The following PLXNC1 variants were observed in gnomAD, a reference collection of about 807,000 sequenced individuals.
The protein encoded by PLXNC1 is plexin-C1.
In PLXNC1, 75 loss-of-function variants were observed where a neutral mutation model predicts 178.2. The observed-to-expected ratio is 0.42, with a 90% CI of 0.35 to 0.51. The LOEUF (loss-of-function observed/expected upper bound fraction) is 0.51, where lower values mean the gene tolerates loss of function less well. Among genes scored for constraint, PLXNC1 ranks in the 20% least tolerant of loss-of-function variants. PLXNC1 has a pLI of 0.02. For synonymous variants in PLXNC1, 790 were observed against 779.9 expected (o/e 1.01, Z -0.22); for missense variants, 1,503 against 1,984.4 (o/e 0.76, Z 4.61).
intron 24 of PLXNC1, among the ~76,000 whole-genome samples, chr12:94,295,352 T>C (rs970535931): frequency 5.3e-5 from 8 of 152,330 alleles, no homozygotes; most frequent in African/African-American, 1.9e-4. Context: ...CATCACTATA[T>C]GGGGCTGTGG....
intron 1 of PLXNC1, among the ~76,000 whole-genome samples, chr12:94,159,134 A>G (rs942284427): frequency 2.6e-5 from 4 of 152,222 alleles, no homozygotes; most frequent in African/African-American, 9.6e-5. Flanking sequence ...GGAGACATTT[A>G]TATCATGGTA....
intron 4 of PLXNC1, among the ~76,000 whole-genome samples, chr12:94,206,415 TTGAC>T (rs1005721502): frequency 6.6e-6 from 1 of 152,258 alleles, no homozygotes; most frequent in Admixed American, 6.5e-5. Context: ...AATAGTTTCA[TTGAC>T]TGAATTGTTT....
chr12:94,261,653 T>C (rs1964990695), intron 20 of PLXNC1, among the ~76,000 whole-genome samples: 1 of 152,198 alleles, frequency 6.6e-6, no homozygotes, highest in African/African-American at 2.4e-5. Context: ...GTACAGAAGA[T>C]TCTTATCCTT....
chr12:94,299,874 A>C (rs1968291825), intron 27 of PLXNC1, among the ~76,000 whole-genome samples: 1 of 152,064 alleles, frequency 6.6e-6, no homozygotes, highest in Non-Finnish European at 1.5e-5. Flanking sequence ...CTAGCCTCTT[A>C]TCTCCAGTCC....
intron 12 of PLXNC1, among the ~76,000 whole-genome samples, chr12:94,245,399 G>A (rs759714637): frequency 6.6e-6 from 1 of 152,204 alleles, no homozygotes; most frequent in Non-Finnish European, 1.5e-5. Context: ...TGAAAGTTGA[G>A]GCTGGGTGTG....
chr12:94,233,379 C>G (rs1185741805), intron 9 of PLXNC1, among the ~76,000 whole-genome samples: 1 of 152,180 alleles, frequency 6.6e-6, no homozygotes, highest in Non-Finnish European at 1.5e-5. Context: ...AAGAGCTGCC[C>G]TCCCTGGCCC....
Position 94,149,338 on chromosome 12 carries a change from C to A in PLXNC1, c.367C>A (p.Leu123Met). 3 of 1,439,662 alleles carry A rather than the reference C, an allele frequency of 2.1e-6. No homozygotes were observed. The highest frequency in any genetic ancestry group is 1.8e-6 in the Non-Finnish European group (2 of 1,106,218). 89.2% of individuals were successfully genotyped at this position (1,439,662 alleles called of 1,614,324 possible). A position where few individuals can be genotyped will look rare whatever the true frequency, so the allele number is the denominator to read the frequency against. Residue 123 changes from leucine to methionine, a missense_variant, in exon 1 of 31, where the codon CTG becomes ATG. Transcript: ENST00000258526. ...GGGGGCGGCCGGCCTCGGGGGGCTG[C>A]TGCTCACCGGCTGGACCTTCGACCG... Reference protein sequence around the residue: ...REGAAGLGGLLLTGWTFDRGA... With the variant: ...REGAAGLGGLMLTGWTFDRGA...
chr12:94,300,963 A>C lies in PLXNC1; in HGVS notation c.4292A>C (p.Asp1431Ala). The C allele has an allele frequency of 6.2e-7, 1 of 1,613,506 alleles. No homozygotes were observed. The highest frequency in any genetic ancestry group is 1.7e-4 in the Middle Eastern group (1 of 6,056). The change falls in exon 28 of 31, where the codon GAC (aspartate) becomes GCC (alanine). Residue 1431 changes from aspartate (D) to alanine (A), a missense_variant. This residue lies in a region of PLXNC1 where 639 missense variants were observed against 979.7 expected (regional missense o/e 0.65). Transcript: ENST00000258526. ...CTGAAGAACCCTCAGTTTGTCTTTG[A>C]CATTAAGAAGACACCACATATAGAC... Reference protein sequence around the residue: ...NILKNPQFVFDIKKTPHIDGC... With the variant: ...NILKNPQFVFAIKKTPHIDGC...
At chr12:94,218,519 C>T (rs11831614) in intron 5 of PLXNC1, among the ~76,000 whole-genome samples, 3,479 of 152,182 alleles carry the variant, frequency 0.023, 138 homozygotes, top group East Asian at 0.13. Context: ...TTTTACTTAG[C>T]GCTCATTCCC....
chr12:94,152,377 G>A (rs928165341), intron 1 of PLXNC1, among the ~76,000 whole-genome samples: 3 of 152,242 alleles, frequency 2.0e-5, no homozygotes, highest in East Asian at 1.9e-4. Flanking sequence ...GCCTGCTAGT[G>A]TAAGCAATGC....
intron 23 of PLXNC1, among the ~76,000 whole-genome samples, chr12:94,290,824 A>C (rs969743034): frequency 6.6e-6 from 1 of 152,248 alleles, no homozygotes; most frequent in Admixed American, 6.5e-5. Flanking sequence ...GGAGCTTCAG[A>C]ATGGAGGGAA....
chr12:94,241,678 G>T (rs1468891888), intron 11 of PLXNC1, among the ~76,000 whole-genome samples: 1 of 152,096 alleles, frequency 6.6e-6, no homozygotes, highest in Non-Finnish European at 1.5e-5. Context: ...CTGTGTTGTT[G>T]CAAATGACAG....
rs763025260 is a variant in PLXNC1, at chr12:94,297,343, G to A, written c.3994G>A (p.Asp1332Asn). 2 of 1,614,066 alleles carry A rather than the reference G, an allele frequency of 1.2e-6. No homozygotes were observed. Among genetic ancestry groups the A allele is most frequent in the Admixed American group, 1.7e-5 (1 of 60,016 alleles). ...TTTACCAGATTCGGAAGCATTCCAA[G>A]ATGTGCAAGGAAAGAGACATCGAGG... The part of the protein sequence containing the change: ...LILPDSEAFQ[D>N]VQGKRHRGKH... The change falls in exon 26 of 31, where the codon GAT (aspartate) becomes AAT (asparagine). Residue 1332 changes from aspartate to asparagine, a missense_variant. Asp to Asn is a conservative substitution (Grantham distance 23, BLOSUM62 1). This residue lies in a region of PLXNC1 where 639 missense variants were observed against 979.7 expected (regional missense o/e 0.65). Coordinates refer to ENST00000258526, the MANE Select transcript of PLXNC1 (RefSeq NM_005761.3).
chr12:94,259,627 C>T lies in PLXNC1; in HGVS notation c.3144C>T (p.Asp1048=), dbSNP rs781308977. The change falls in exon 19 of 31, where the codon GAC becomes GAT. Residue 1048 remains aspartate, a synonymous_variant. Coordinates refer to ENST00000258526, the MANE Select transcript of PLXNC1 (RefSeq NM_005761.3). ...TTTATCAGAACAGAGACGCCAACGA[C>T]AAGAATGAAAGTCTCACAGCTTTGG... ...TEDMHNRDAN[D]KNESLTALDA... The T allele has an allele frequency of 1.2e-6, 2 of 1,606,940 alleles. No homozygotes were observed. The highest frequency in any genetic ancestry group is 2.7e-5 in the African/African-American group (2 of 74,614).
intron 20 of PLXNC1, chr12:94,262,496 G>C (rs1013140444): frequency 2.0e-6 from 2 of 985,392 alleles, no homozygotes; most frequent in African/African-American, 3.5e-5. Context: ...GCCTCCTTGA[G>C]CAAAGCATTC....
In PLXNC1 at chr12:94,204,412, C is replaced by T. The variant is rs181074156; in HGVS notation, c.1440-5178C>T. 7.2e-5 allele frequency among the ~76,000 whole-genome samples: 11 copies of T among 152,284 alleles called. No individual in the cohort carries two copies. In the East Asian group the frequency reaches 2.1e-3, roughly 29 times the overall value. ...AATCAAATCATGTGAAAAGACATCG[C>T]CTGGCATGTTAGATGTTTTTGCTTA... On this transcript the variant is annotated intron_variant, in intron 4 of 30. Coordinates refer to ENST00000258526, the MANE Select transcript of PLXNC1 (RefSeq NM_005761.3).
At chr12:94,288,823 G>A (rs531327546) in intron 23 of PLXNC1, among the ~76,000 whole-genome samples, 30 of 152,340 alleles carry the variant, frequency 2.0e-4, no homozygotes, top group Admixed American at 9.8e-4. Context: ...ATAGAATTCT[G>A]TTTTCACGTA....
intron 1 of PLXNC1, among the ~76,000 whole-genome samples, chr12:94,161,899 G>A (rs1261607553): frequency 3.3e-5 from 5 of 152,130 alleles, no homozygotes; most frequent in Non-Finnish European, 5.9e-5. Context: ...TATCATAATT[G>A]CCTGATGAGA....
intron 4 of PLXNC1, among the ~76,000 whole-genome samples, chr12:94,189,140 G>A (rs1427971021): frequency 6.6e-6 from 1 of 152,234 alleles, no homozygotes; most frequent in African/African-American, 2.4e-5. Context: ...CAGCTTTGGT[G>A]GTATAGCTGT....
Sources: gnomAD v4.1 joint callset for allele counts (sites outside exome capture counted in the v4.1 genomes callset) on GRCh38, gnomAD v4.1.1 for gene constraint, gnomAD v4.1.1 regional missense constraint, MANE v1.5 for transcripts, NCBI Gene and HGNC (gene_info 2026-07-23, HGNC 2026-07-21) for gene names.